The following ZNF888 variants were observed in gnomAD, a reference collection of about 807,000 sequenced individuals.
ZNF888 encodes CTD-2331H12.6.
Under a neutral mutation model 7.2 loss-of-function variants are expected in ZNF888, and 5 were observed. The observed-to-expected ratio is 0.70, with a 90% CI of 0.36 to 1.46. The LOEUF (loss-of-function observed/expected upper bound fraction) is 1.46. Among genes scored for constraint, ZNF888 ranks in the 40% most tolerant of loss-of-function variants. ZNF888 has a pLI of 0.03. For synonymous variants in ZNF888, 240 were observed against 284.3 expected, an observed-to-expected ratio of 0.84 and a Z score of 1.57; for missense variants, 716 against 858.0, an observed-to-expected ratio of 0.83 and a Z score of 2.07.
intron 4 of ZNF888, among the ~76,000 whole-genome samples, chr19:52,914,756 T>G (rs1253963851): frequency 6.6e-6 from 1 of 152,126 alleles, no homozygotes; most frequent in Non-Finnish European, 1.5e-5. Flanking sequence ...AACCTTCACC[T>G]CCCGGGTTTG....
rs1369903673 is a variant in ZNF888 at position 52,905,406 on chromosome 19, C to A, written c.*759G>T. 1.3e-5 allele frequency: 2 copies of A among 157,510 alleles called. No individual in the cohort carries two copies. The highest frequency in any genetic ancestry group is 4.9e-5 in the African/African-American group (2 of 40,586). The allele number at this position is 157,510 out of a possible 1,614,324, so 9.8% of individuals were successfully genotyped here. A position where few individuals can be genotyped will look rare whatever the true frequency, so the allele number is the denominator to read the frequency against. ...GCCCCACCCCATCTCCCTTCCCTGA[C>A]TCTCTTTTCGGACTCAGCTTGCCTG... On this transcript the variant is annotated 3_prime_UTR_variant, in exon 5 of 5. Transcript: ENST00000638862.
chr19:52,905,848 A>C lies in ZNF888; in HGVS notation c.*317T>G. The stretch of plus-strand genomic sequence containing the variant: ...GATGACATTTGTAAGATTTCTGTCC[A>C]GTATGGATTCTTTGATGTCTAATGA... On this transcript the variant is annotated 3_prime_UTR_variant, in exon 5 of 5. Transcript: ENST00000638862. 1.4e-6 allele frequency: 1 copy of C among 727,426 alleles called. No individual in the cohort carries two copies. Among genetic ancestry groups the C allele is most frequent in the South Asian group, 1.4e-5 (1 of 73,268 alleles). The allele number at this position is 727,426 out of a possible 1,614,324, so 45.1% of individuals were successfully genotyped here. A position where few individuals can be genotyped will look rare whatever the true frequency, so the allele number is the denominator to read the frequency against.
rs1332189372 is a variant in ZNF888, at chr19:52,905,955, A to C, written c.*210T>G. 1 of 858,658 alleles carries C rather than the reference A, an allele frequency of 1.2e-6. No homozygotes were observed. Among genetic ancestry groups the C allele is most frequent in the African/African-American group, 1.6e-5 (1 of 62,424 alleles). The allele number at this position is 858,658 out of a possible 1,614,324, so 53.2% of individuals were successfully genotyped here. ...TCCTGTATGAATTCTCCTGTTTTGC[A>C]TAGGATGAAGCTTGACTGAAGACCT... On this transcript the variant is annotated 3_prime_UTR_variant, in exon 5 of 5. Coordinates refer to ENST00000638862, the MANE Select transcript of ZNF888 (RefSeq NM_001393938.1).
In ZNF888 at chr19:52,920,164, C is replaced by A. The variant is rs1260572489; in HGVS notation, c.-177-1227G>T. Among the ~76,000 whole-genome samples the A allele has an allele frequency of 1.0e-4, 6 of 59,762 alleles. 2 individuals are homozygous for A. In the East Asian group the frequency reaches 1.8e-3, roughly 18 times the overall value. The allele number at this position is 59,762 out of a possible 152,430, so 39.2% of individuals were successfully genotyped here. A position where few individuals can be genotyped will look rare whatever the true frequency, so the allele number is the denominator to read the frequency against. On this transcript the variant is annotated intron_variant, in intron 1 of 4. Transcript: ENST00000638862. ...CTGGGAAGTGAGGAGCCCCTCTGCC[C>A]GGCCACGACCCCGTCTGGGACGTGT...
chr19:52,908,316 G>T, intron 4 of ZNF888, 137 bp from the exon 5 acceptor site: 1 of 827,672 alleles, frequency 1.2e-6, no homozygotes, highest in South Asian at 1.6e-5. Flanking sequence ...GAACACAAAA[G>T]GAGGAAGATC....
chr19:52,919,428 G>A (rs2064795503), intron 1 of ZNF888, among the ~76,000 whole-genome samples: 1 of 69,618 alleles, frequency 1.4e-5, no homozygotes, highest in African/African-American at 4.5e-5. Context: ...CCGAGGTGCC[G>A]GGATTGCAGA....
intron 2 of ZNF888, 51 bp from the exon 3 acceptor site, chr19:52,917,982 T>C: frequency 1.3e-6 from 2 of 1,586,162 alleles, no homozygotes; most frequent in Non-Finnish European, 1.7e-6. Flanking sequence ...TTGCTCAGAG[T>C]CAACATACCC....
At chr19:52,912,032 C>T (rs1420814865) in intron 4 of ZNF888, among the ~76,000 whole-genome samples, 10 of 151,288 alleles carry the variant, frequency 6.6e-5, no homozygotes, top group African/African-American at 2.2e-4. Flanking sequence ...TCAGGATGGT[C>T]GCGATCTCCT....
intron 3 of ZNF888, among the ~76,000 whole-genome samples, chr19:52,916,599 CATACAT>C (rs201491425): frequency 5.3e-5 from 5 of 93,460 alleles, no homozygotes; most frequent in South Asian, 4.6e-4. Context: ...GTATTATATA[CATACAT>C]ATACATATAC....
chr19:52,908,153 A>G lies in ZNF888; in HGVS notation c.169T>C (p.Phe57Leu), dbSNP rs2064634332. 1.2e-6 allele frequency: 2 copies of G among 1,613,874 alleles called. No individual in the cohort carries two copies. ...GTATTGCCTTTCCCTATTGATGAGAACTCCATCATGCATTTGGAAGAGATA... is the reference window on the plus strand; with the variant it reads ...GTATTGCCTTTCCCTATTGATGAGAGCTCCATCATGCATTTGGAAGAGATA... ...LDISSKCMME[F>L]SSIGKGNTEV... The change falls in exon 5 of 5, where the codon TTC (phenylalanine) becomes CTC (leucine). Residue 57 changes from phenylalanine (F) to leucine (L), a missense_variant. Phe to Leu is a conservative substitution (Grantham distance 22). Coordinates refer to ENST00000638862, the MANE Select transcript of ZNF888 (RefSeq NM_001393938.1).
intron 3 of ZNF888, among the ~76,000 whole-genome samples, chr19:52,915,753 G>A (rs1290157407): frequency 6.6e-6 from 1 of 152,096 alleles, no homozygotes; most frequent in Non-Finnish European, 1.5e-5. Context: ...GGGATTACAG[G>A]CATGAGCCAC....
chr19:52,916,951 G>A (rs1364512813), intron 3 of ZNF888, among the ~76,000 whole-genome samples: 1 of 151,882 alleles, frequency 6.6e-6, no homozygotes, highest in Non-Finnish European at 1.5e-5. Flanking sequence ...GGTGGAATGA[G>A]AATATAGCTT....
At chr19:52,919,499 C>A (rs1477805217) in intron 1 of ZNF888, among the ~76,000 whole-genome samples, 2 of 69,768 alleles carry the variant, frequency 2.9e-5, no homozygotes, top group African/African-American at 9.0e-5. Flanking sequence ...GCGTGATCTC[C>A]GCTCGCTACA....
rs186635114 is a variant in ZNF888 at position 52,907,453 on chromosome 19, C to T, written c.869G>A (p.Arg290Lys). The T allele has an allele frequency of 1.1e-3, 1,701 of 1,608,872 alleles. 4 individuals are homozygous for T. Among genetic ancestry groups the T allele is most frequent in the Non-Finnish European group, 1.3e-3 (1,560 of 1,177,596 alleles). Residue 290 changes from arginine (R) to lysine (K), a missense_variant, in exon 5 of 5, where the codon AGA (arginine) becomes AAA (lysine). Physicochemically the swap from Arg to Lys is conservative, Grantham distance 26 (BLOSUM62 2). This residue lies in a region of ZNF888 where 697 missense variants were observed against 803.4 expected (regional missense o/e 0.87). Coordinates refer to ENST00000638862, the MANE Select transcript of ZNF888 (RefSeq NM_001393938.1). ...GTAAGGTTTTTCTCCAGTATGACGT[C>T]TATAATGACGTGCAAGGTATGCTTT... The part of the protein sequence containing the change: ...NKKAYLARHY[R>K]RHTGEKPYKC...
rs1188080852 is a variant in ZNF888 at position 52,920,529 on chromosome 19, AAAGG to A, written c.-177-1596_-177-1593del. Among the ~76,000 whole-genome samples the A allele has an allele frequency of 1.4e-3, 51 of 36,076 alleles. 6 individuals are homozygous for A. Among genetic ancestry groups the A allele is most frequent in the African/African-American group, 4.3e-3 (38 of 8,782 alleles). 23.7% of individuals were successfully genotyped at this position (36,076 alleles called of 152,430 possible). ...AAAAAAAAAAAAAGAAAAAAAAAGA[AAAGG>A]AAAAAAAAAAAAAAAAGGAATTATT... is the stretch of plus-strand genomic sequence containing the variant. On this transcript the variant is annotated intron_variant, in intron 1 of 4. Coordinates refer to ENST00000638862, the MANE Select transcript of ZNF888 (RefSeq NM_001393938.1).
At chr19:52,919,571 A>C (rs75207442) in intron 1 of ZNF888, among the ~76,000 whole-genome samples, 1 of 70,492 alleles carries the variant, frequency 1.4e-5, no homozygotes, top group Non-Finnish European at 3.4e-5. Context: ...GGCTCTGCCC[A>C]GCCGCCACCC....
Position 52,916,629 on chromosome 19 carries a change from TATATATATATATAG to T in ZNF888, c.15+1216_15+1229del, listed in dbSNP as rs892740233. ...ATATACATATACATATATATATATA[TATATATATATATAG>T]GTTTTAAATATATAAAAAGTAGCAA... On this transcript the variant is annotated intron_variant, in intron 3 of 4. Coordinates refer to ENST00000638862, the MANE Select transcript of ZNF888 (RefSeq NM_001393938.1). 5.1e-4 allele frequency among the ~76,000 whole-genome samples: 49 copies of T among 95,994 alleles called. No individual in the cohort carries two copies. The East Asian group carries it at 6.9e-3, about 14-fold the overall frequency. 63.0% of individuals were successfully genotyped at this position (95,994 alleles called of 152,430 possible).
chr19:52,921,230 G>C (rs1413514429), intron 1 of ZNF888, among the ~76,000 whole-genome samples: 2 of 152,218 alleles, frequency 1.3e-5, no homozygotes, highest in Admixed American at 6.5e-5. Context: ...TTCATGAGAT[G>C]GGGGCAAGCT....
At chr19:52,916,505 CAT>C (rs1032968414) in intron 3 of ZNF888, among the ~76,000 whole-genome samples, 122 of 150,354 alleles carry the variant, frequency 8.1e-4, no homozygotes, top group Middle Eastern at 3.5e-3. Context: ...TGTGTATGTA[CAT>C]GTGTGTGTGT....
Sources: gnomAD v4.1 joint callset for allele counts (sites outside exome capture counted in the v4.1 genomes callset) on GRCh38, gnomAD v4.1.1 for gene constraint, gnomAD v4.1.1 regional missense constraint, MANE v1.5 for transcripts, NCBI Gene and HGNC (gene_info 2026-07-23, HGNC 2026-07-21) for gene names.